Variants in PRKCA observed in about 807,000 individuals in gnomAD.
The protein encoded by PRKCA is protein kinase C alpha.
A neutral mutation model predicts 87.0 loss-of-function variants in PRKCA; 27 were observed. The observed-to-expected ratio is 0.31, with a 90% CI of 0.23 to 0.43. The LOEUF (loss-of-function observed/expected upper bound fraction) is 0.43, where lower values mean the gene tolerates loss of function less well. Ranked by LOEUF, PRKCA falls within the 20% of genes least tolerant of loss-of-function variation. PRKCA has a pLI of 1.00. For missense variants in PRKCA, 518 were observed against 852.3 expected (o/e 0.61, Z 4.88); for synonymous variants, 329 against 311.1 (o/e 1.06, Z -0.61).
intron 2 of PRKCA, among the ~76,000 whole-genome samples, chr17:66,422,306 G>A (rs1433023521): frequency 4.6e-5 from 7 of 152,066 alleles, no homozygotes; most frequent in Admixed American, 2.6e-4. Flanking sequence ...TCACTTTTTC[G>A]TAGTACATTG....
intron 2 of PRKCA, among the ~76,000 whole-genome samples, chr17:66,425,267 C>G (rs371213511): frequency 6.6e-6 from 1 of 152,144 alleles, no homozygotes; most frequent in Admixed American, 6.5e-5. Flanking sequence ...CCCTTCTTCT[C>G]CCACCTCCAC....
At chr17:66,783,977 T>TG (rs1180094737) in intron 14 of PRKCA, among the ~76,000 whole-genome samples, 1 of 152,234 alleles carries the variant, frequency 6.6e-6, no homozygotes, top group Non-Finnish European at 1.5e-5. Context: ...GCATTTGGTT[T>TG]GGTGCTCCGC....
At chr17:66,621,701 C>T (rs138094650) in intron 3 of PRKCA, among the ~76,000 whole-genome samples, 1 of 152,232 alleles carries the variant, frequency 6.6e-6, no homozygotes, top group East Asian at 1.9e-4. Context: ...GAAAATGTCA[C>T]AGAAACCTCC....
At chr17:66,778,845 C>CAA (rs1231493421) in intron 14 of PRKCA, among the ~76,000 whole-genome samples, 21 of 61,310 alleles carry the variant, frequency 3.4e-4, no homozygotes, top group African/African-American at 3.9e-4. Context: ...ACCCTGTCTC[C>CAA]AAAAAAAAAA....
chr17:66,774,136 C>T (rs773001938), intron 14 of PRKCA, 69 bp downstream of exon 14: 57 of 1,611,078 alleles, frequency 3.5e-5, no homozygotes, highest in Non-Finnish European at 3.8e-5. Flanking sequence ...TCTGGTTGGG[C>T]CTCGAGAGCA....
intron 3 of PRKCA, among the ~76,000 whole-genome samples, chr17:66,628,469 A>T (rs1368062528): frequency 6.6e-6 from 1 of 152,170 alleles, no homozygotes; most frequent in Non-Finnish European, 1.5e-5. Context: ...TAGATTTTTT[A>T]AAAAGCTACC....
chr17:66,370,205 C>A (rs576367389), intron 2 of PRKCA, among the ~76,000 whole-genome samples: 3 of 147,884 alleles, frequency 2.0e-5, no homozygotes, highest in Admixed American at 6.8e-5. Flanking sequence ...TTGAATGAAG[C>A]GATAAATAAA....
chr17:66,410,923 T>C (rs1911756642), intron 2 of PRKCA, among the ~76,000 whole-genome samples: 1 of 152,142 alleles, frequency 6.6e-6, no homozygotes, highest in Admixed American at 6.6e-5. Flanking sequence ...TTTTCATGTG[T>C]GCGCTCTACT....
intron 3 of PRKCA, among the ~76,000 whole-genome samples, chr17:66,566,687 G>A (rs1968913534): frequency 6.6e-6 from 1 of 152,072 alleles, no homozygotes; most frequent in South Asian, 2.1e-4. Flanking sequence ...TGTTAATTCA[G>A]CAGTGTGTCT....
At chr17:66,417,841 G>C (rs748974739) in intron 2 of PRKCA, among the ~76,000 whole-genome samples, 18 of 152,106 alleles carry the variant, frequency 1.2e-4, no homozygotes, top group Admixed American at 5.9e-4. Context: ...GAGTTGCTCA[G>C]GCCATTCTTT....
intron 16 of PRKCA, among the ~76,000 whole-genome samples, chr17:66,789,525 A>G (rs550990166): frequency 6.6e-6 from 1 of 150,554 alleles, no homozygotes. Flanking sequence ...CTTTTTTCAC[A>G]CTCTCCCTGT....
At chr17:66,519,054 G>T (rs1967068405) in intron 3 of PRKCA, among the ~76,000 whole-genome samples, 1 of 152,144 alleles carries the variant, frequency 6.6e-6, no homozygotes, top group Non-Finnish European at 1.5e-5. Context: ...AAACATCAGG[G>T]TCTTCAGTCA....
At chr17:66,694,767 TA>T (rs746908582) in intron 8 of PRKCA, among the ~76,000 whole-genome samples, 38,439 of 117,366 alleles carry the variant, frequency 0.33, 5,985 homozygotes, top group African/African-American at 0.4. Context: ...TTCCAATGGT[TA>T]AAAAAAAAAA....
chr17:66,508,719 C>T (rs1169650504), intron 3 of PRKCA, among the ~76,000 whole-genome samples: 1 of 152,174 alleles, frequency 6.6e-6, no homozygotes, highest in East Asian at 1.9e-4. Flanking sequence ...ACTCTCTTTC[C>T]TCTCCATCTC....
At chr17:66,743,810 T>C (rs950269710) in intron 13 of PRKCA, among the ~76,000 whole-genome samples, 4 of 152,126 alleles carry the variant, frequency 2.6e-5, no homozygotes, top group Admixed American at 2.6e-4. Context: ...GATTACCCCA[T>C]GCATTTATCT....
intron 2 of PRKCA, among the ~76,000 whole-genome samples, chr17:66,428,833 C>T (rs1270847067): frequency 6.6e-6 from 1 of 152,106 alleles, no homozygotes; most frequent in Non-Finnish European, 1.5e-5. Flanking sequence ...GGCTGCTACT[C>T]CTTGCCTGCT....
At chr17:66,671,242 A>G (rs2143950695) in intron 5 of PRKCA, among the ~76,000 whole-genome samples, 1 of 150,374 alleles carries the variant, frequency 6.7e-6, no homozygotes, top group Middle Eastern at 3.4e-3. Context: ...AAGACTGAAA[A>G]CAAAGCAAGT....
chr17:66,376,079 G>T (rs1240739155), intron 2 of PRKCA, among the ~76,000 whole-genome samples: 1 of 152,164 alleles, frequency 6.6e-6, no homozygotes, highest in African/African-American at 2.4e-5. Context: ...GCTCTCCTTG[G>T]AGTGTAGTCC....
At chr17:66,539,064 A>C (rs1353120183) in intron 3 of PRKCA, among the ~76,000 whole-genome samples, 1 of 152,182 alleles carries the variant, frequency 6.6e-6, no homozygotes, top group African/African-American at 2.4e-5. Context: ...TGATCTCAAC[A>C]CTTACCAAAG....
Sources: allele counts gnomAD v4.1 joint callset (sites outside exome capture counted in the v4.1 genomes callset), GRCh38; gene constraint gnomAD v4.1.1; transcripts MANE v1.5; gene names NCBI Gene and HGNC (gene_info 2026-07-23, HGNC 2026-07-21).